The following ABCB8 variants were observed in gnomAD, a reference collection of about 807,000 sequenced individuals.
ABCB8 encodes mitochondrial potassium channel ATP-binding subunit.
ABCB8 carries 52 observed loss-of-function variants against 73.0 expected under a neutral mutation model. The observed-to-expected ratio is 0.71, with a 90% CI of 0.57 to 0.90. ABCB8 has a LOEUF of 0.90. Ranked by LOEUF, ABCB8 falls within the 40% of genes least tolerant of loss-of-function variation. The pLI, the probability that ABCB8 is intolerant of heterozygous loss-of-function variation, is 0.00. For synonymous variants in ABCB8, 428 were observed against 423.5 expected, an observed-to-expected ratio of 1.01 and a Z score of -0.13; for missense variants, 909 against 974.6, an observed-to-expected ratio of 0.93 and a Z score of 0.90.
At chr7:151,036,915 C>T in intron 9 of ABCB8, 2 of 735,736 alleles carry the variant, frequency 2.7e-6, no homozygotes, top group South Asian at 1.4e-5. Flanking sequence ...CCTTGACAGG[C>T]TTTTTAAAAA....
intron 9 of ABCB8, chr7:151,037,195 A>G (rs552496198): frequency 1.6e-5 from 11 of 702,782 alleles, no homozygotes; most frequent in East Asian, 2.7e-5. Flanking sequence ...GAGTCAGACT[A>G]TGTCCTTTTG....
chr7:151,033,519 A>G (rs1276522057), intron 1 of ABCB8, 86 bp from the exon 2 acceptor site: 4 of 1,499,428 alleles, frequency 2.7e-6, no homozygotes, highest in Non-Finnish European at 3.6e-6. Context: ...CTCCTTCCAG[A>G]GGGCTCAGCC....
rs749468724 is a variant in ABCB8 at position 151,043,930 on chromosome 7, G to A, written c.1766-41G>A. The A allele has an allele frequency of 1.4e-5, 23 of 1,599,202 alleles. 1 individual carries two copies. Among genetic ancestry groups the A allele is most frequent in the Middle Eastern group, 1.8e-4 (1 of 5,558 alleles). Reference sequence around the variant, plus strand: ...GTGCCCCTTTGTGGGCCACCCTCAAGTGCACAGCTTCAGGCTCCTGCCCTG... The same window carrying A: ...GTGCCCCTTTGTGGGCCACCCTCAAATGCACAGCTTCAGGCTCCTGCCCTG... On this transcript the variant is annotated intron_variant, in intron 14 of 15. Coordinates refer to ENST00000358849, the MANE Select transcript of ABCB8 (RefSeq NM_007188.5).
intron 2 of ABCB8, 134 bp from the exon 3 acceptor site, chr7:151,034,139 G>A: frequency 1.7e-6 from 2 of 1,199,148 alleles, no homozygotes; most frequent in South Asian, 1.5e-5. Flanking sequence ...GCACTGATGT[G>A]TCCACATGAC....
chr7:151,028,785 C>T (rs764243284), intron 1 of ABCB8, 175 bp downstream of exon 1: 6 of 1,541,650 alleles, frequency 3.9e-6, no homozygotes, highest in Non-Finnish European at 3.5e-6. Context: ...TATAGTGACA[C>T]TCCAGTCGCC....
chr7:151,045,559 TC>T lies in ABCB8; in HGVS notation c.*213del. On this transcript the variant is annotated 3_prime_UTR_variant, in exon 16 of 16. Transcript: ENST00000358849. ...TCCCCAGTCCTGCCGGCTGCCTCCC[TC>T]CCACCAGAGTCTGCCAGAGTCATTG... 1.9e-6 allele frequency: 1 copy of T among 531,368 alleles called. No homozygotes were observed. The highest frequency in any genetic ancestry group is 3.0e-6 in the Non-Finnish European group (1 of 333,294). 32.9% of individuals were successfully genotyped at this position (531,368 alleles called of 1,614,324 possible). A position where few individuals can be genotyped will look rare whatever the true frequency, so the allele number is the denominator to read the frequency against.
chr7:151,035,217 C>T (rs1796270314), intron 5 of ABCB8, among the ~76,000 whole-genome samples: 1 of 152,222 alleles, frequency 6.6e-6, no homozygotes. Flanking sequence ...CCCTTATCCG[C>T]CCACACCGAC....
chr7:151,040,147 G>T (rs759665578), intron 9 of ABCB8, 121 bp from the exon 10 acceptor site: 31 of 1,152,400 alleles, frequency 2.7e-5, no homozygotes, highest in Non-Finnish European at 3.8e-5. Context: ...TGCAGGAGCA[G>T]TCTCTGCATT....
chr7:151,034,585 C>G lies in ABCB8; in HGVS notation c.645C>G (p.Phe215Leu), dbSNP rs745778262. 2.5e-6 allele frequency: 4 copies of G among 1,613,824 alleles called. No individual in the cohort carries two copies. The highest frequency in any genetic ancestry group is 3.4e-6 in the Non-Finnish European group (4 of 1,180,010). Residue 215 changes from phenylalanine to leucine, a missense_variant, in exon 4 of 16, where the codon TTC becomes TTG. By Grantham distance (22) the Phe-to-Leu change is conservative (BLOSUM62 0). Transcript: ENST00000358849. ...RMAVDMRRAL[F>L]SSLLRQDITF... Reference sequence around the variant, plus strand: ...CTGTGGACATGCGGAGGGCCCTCTTCAGCTCCCTGCTCCGGTACTGCCAGC... The same window carrying G: ...CTGTGGACATGCGGAGGGCCCTCTTGAGCTCCCTGCTCCGGTACTGCCAGC...
Position 151,044,150 on chromosome 7 carries a change from A to G in ABCB8, c.1945A>G (p.Ile649Val), listed in dbSNP as rs544452880. ...RASAGRTVLV[I>V]AHRLSTVRGA... ...CAGTGCAGGCCGCACGGTGCTGGTA[A>G]TTGCCCACCGGCTCAGCACTGTCCG... Residue 649 changes from isoleucine to valine, a missense_variant, in exon 15 of 16, where the codon ATT becomes GTT. Transcript: ENST00000358849. 6 of 1,613,896 alleles carry G rather than the reference A, an allele frequency of 3.7e-6. No homozygotes were observed. Among genetic ancestry groups the G allele is most frequent in the African/African-American group, 1.3e-5 (1 of 75,050 alleles).
intron 5 of ABCB8, 84 bp downstream of exon 5, chr7:151,034,913 C>G (rs1563290693): frequency 7.8e-7 from 1 of 1,276,552 alleles, no homozygotes; most frequent in Non-Finnish European, 1.1e-6. Context: ...CGCCCCAGCC[C>G]TGATGTTGGG....
intron 3 of ABCB8, 23 bp downstream of exon 3, chr7:151,034,451 G>C (rs939559891): frequency 1.2e-6 from 2 of 1,613,680 alleles, no homozygotes; most frequent in Admixed American, 1.7e-5. Context: ...GTGGGGCTGG[G>C]GACCGCCGAG....
intron 9 of ABCB8, chr7:151,037,505 A>G (rs925017669): frequency 8.3e-6 from 5 of 599,698 alleles, no homozygotes; most frequent in African/African-American, 3.7e-5. Context: ...CCCCCCTCCT[A>G]TCTCTTTCCA....
rs769004536 is a variant in ABCB8, at chr7:151,037,040, C to T, written c.1217+391C>T. On this transcript the variant is annotated intron_variant, in intron 9 of 15. Coordinates refer to ENST00000358849, the MANE Select transcript of ABCB8 (RefSeq NM_007188.5). ...CACATTGCTGTGCGGCTGTTGTCAC[C>T]GTCCGCCTCCAGAACTCTTACCTGG... The T allele has an allele frequency of 2.8e-4, 189 of 686,274 alleles. 1 individual carries two copies. Among genetic ancestry groups the T allele is most frequent in the Middle Eastern group, 2.3e-3 (8 of 3,502 alleles). The allele number at this position is 686,274 out of a possible 1,614,324, so 42.5% of individuals were successfully genotyped here.
chr7:151,037,179 T>A (rs1796333088), intron 9 of ABCB8: 1 of 702,936 alleles, frequency 1.4e-6, no homozygotes, highest in Admixed American at 2.0e-5. Flanking sequence ...GGACGTCCTC[T>A]AAGTGGAGTC....
intron 3 of ABCB8, 33 bp from the exon 4 acceptor site, chr7:151,034,472 A>G: frequency 6.2e-7 from 1 of 1,613,660 alleles, no homozygotes; most frequent in Non-Finnish European, 8.5e-7. Flanking sequence ...GAGCCACCCG[A>G]GGCATCCCTG....
intron 15 of ABCB8, among the ~76,000 whole-genome samples, chr7:151,044,429 C>T (rs1796560797): frequency 6.6e-6 from 1 of 152,146 alleles, no homozygotes; most frequent in African/African-American, 2.4e-5. Context: ...TCTTCTGTCC[C>T]CTGGGATAGT....
chr7:151,040,601 G>A lies in ABCB8; in HGVS notation c.1355G>A (p.Arg452His), dbSNP rs61652080. 2.3e-5 allele frequency: 37 copies of A among 1,613,074 alleles called. No individual in the cohort carries two copies. Among genetic ancestry groups the A allele is most frequent in the Middle Eastern group, 1.6e-4 (1 of 6,084 alleles). ...GGCCVPKEQL[R>H]GSVTFQNVCF... The stretch of plus-strand genomic sequence containing the variant: ...TGCTGCGTCCCCAAAGAGCAGCTGC[G>A]TGGCTCCGTTACATTTCAGAACGTC... Residue 452 changes from arginine (R) to histidine (H), a missense_variant, in exon 11 of 16, where the codon CGT becomes CAT. By Grantham distance (29) the Arg-to-His change is conservative. Coordinates refer to ENST00000358849, the MANE Select transcript of ABCB8 (RefSeq NM_007188.5).
chr7:151,034,445 G>A lies in ABCB8; in HGVS notation c.564+17G>A, dbSNP rs1796248391. 3.7e-6 allele frequency: 6 copies of A among 1,613,718 alleles called. No homozygotes were observed. Among genetic ancestry groups the A allele is most frequent in the East Asian group, 4.5e-5 (2 of 44,894 alleles). The stretch of plus-strand genomic sequence containing the variant: ...GGTGTCCAGGTACAGCCGGGAGTGG[G>A]GCTGGGGACCGCCGAGGAGCCACCC... On this transcript the variant is annotated intron_variant, in intron 3 of 15. Transcript: ENST00000358849.
Sources: gnomAD v4.1 joint callset for allele counts (sites outside exome capture counted in the v4.1 genomes callset) on GRCh38, gnomAD v4.1.1 for gene constraint, MANE v1.5 for transcripts, NCBI Gene and HGNC (gene_info 2026-07-23, HGNC 2026-07-21) for gene names.